The following NDUFA5 variants were observed in gnomAD, a reference collection of about 807,000 sequenced individuals.
The protein encoded by NDUFA5 is NADH dehydrogenase [ubiquinone] 1 alpha subcomplex subunit 5.
A neutral mutation model predicts 19.8 loss-of-function variants in NDUFA5; 11 were observed. That is an observed-to-expected ratio of 0.56 (90% CI 0.35 to 0.92). The LOEUF (loss-of-function observed/expected upper bound fraction) is 0.92, where lower values mean the gene tolerates loss of function less well. NDUFA5 is among the 40% of genes least tolerant of loss of function. The probability of loss-of-function intolerance (pLI) is 0.01; values close to 1 mark genes in which losing one functional copy is unlikely to be tolerated. For synonymous variants in NDUFA5, 47 were observed against 46.8 expected (o/e 1.00, Z -0.01); for missense variants, 109 against 134.2 (o/e 0.81, Z 0.93).
At chr7:123,554,571 C>A (rs1007401578) in intron 2 of NDUFA5, 1 of 152,068 alleles carries the variant, frequency 6.6e-6, no homozygotes, top group African/African-American at 2.4e-5. Flanking sequence ...TTCTTCATCA[C>A]AAGAGGGTGG....
chr7:123,547,940 A>C (rs1798196111), intron 3 of NDUFA5, among the ~76,000 whole-genome samples: 1 of 152,124 alleles, frequency 6.6e-6, no homozygotes, highest in African/African-American at 2.4e-5. Flanking sequence ...CGAGGTGGGT[A>C]TTATTATACC....
At chr7:123,568,502 C>A in the NDUFA5 span, among the ~76,000 whole-genome samples, 1 of 142,284 alleles carries the variant, frequency 7.0e-6, no homozygotes. Context: ...GCCTGAACAA[C>A]AAGAGCGAAA....
chr7:123,557,405 T>C lies in NDUFA5; in HGVS notation c.65A>G (p.Glu22Gly), dbSNP rs1322601977. Reference sequence around the variant, plus strand: ...CGAAGAAAGAACAAAGGTACATACCTCGTGAGGAGTATTGCACACAGCCAA... The same window carrying C: ...CGAAGAAAGAACAAAGGTACATACCCCGTGAGGAGTATTGCACACAGCCAA... Reference protein sequence around the residue: ...VGLAVCNTPHERLRILYTKIL... With the variant: ...VGLAVCNTPHGRLRILYTKIL... The change falls in exon 2 of 5, where the codon GAG (glutamate) becomes GGG (glycine). Residue 22 changes from glutamate to glycine, a missense_variant and splice_region_variant. Physicochemically the swap from Glu to Gly is moderately conservative, Grantham distance 98 (BLOSUM62 -2). Coordinates refer to ENST00000355749, the MANE Select transcript of NDUFA5 (RefSeq NM_005000.5). 6.2e-7 allele frequency: 1 copy of C among 1,613,558 alleles called. No homozygotes were observed. Among genetic ancestry groups the C allele is most frequent in the Non-Finnish European group, 8.5e-7 (1 of 1,179,792 alleles).
At chr7:123,589,138 A>T in the NDUFA5 span, among the ~76,000 whole-genome samples, 17 of 151,932 alleles carry the variant, frequency 1.1e-4, no homozygotes, top group Non-Finnish European at 1.0e-4. Context: ...TTGAAAGTAG[A>T]GTATTGAAGT....
the NDUFA5 span, among the ~76,000 whole-genome samples, chr7:123,586,687 C>T: frequency 2.0e-5 from 3 of 151,584 alleles, no homozygotes; most frequent in East Asian, 5.8e-4. Context: ...AGTAGTTTTA[C>T]AGTTTCAAGT....
At chr7:123,554,409 G>A (rs1307529613) in intron 2 of NDUFA5, among the ~76,000 whole-genome samples, 2 of 151,994 alleles carry the variant, frequency 1.3e-5, no homozygotes, top group African/African-American at 4.8e-5. Context: ...TTACCCATCC[G>A]TGGTTTCATT....
the NDUFA5 span, among the ~76,000 whole-genome samples, chr7:123,581,032 C>T: frequency 5.4e-4 from 82 of 152,050 alleles, 1 homozygote; most frequent in Middle Eastern, 0.014. Flanking sequence ...CTAGATGGTG[C>T]TGGCTTTCTT....
chr7:123,560,213 C>T (rs2116228818), upstream of NDUFA5, among the ~76,000 whole-genome samples: 1 of 152,196 alleles, frequency 6.6e-6, no homozygotes, highest in Non-Finnish European at 1.5e-5. Context: ...TAGAAAAACC[C>T]CACAACATCA....
the NDUFA5 span, among the ~76,000 whole-genome samples, chr7:123,601,512 A>G: frequency 5.3e-5 from 8 of 152,210 alleles, no homozygotes; most frequent in Admixed American, 4.6e-4. Flanking sequence ...GGCTCTGACA[A>G]CACAAAGACT....
chr7:123,539,041 G>A lies in NDUFA5; in HGVS notation c.*3078C>T, dbSNP rs547977694. Reference sequence around the variant, plus strand: ...AATTCTGAGGGAAAAGGAGGGGGAGGGGAGAATGAGGGAGAGTGAAAGGAT... The same window carrying A: ...AATTCTGAGGGAAAAGGAGGGGGAGAGGAGAATGAGGGAGAGTGAAAGGAT... On this transcript the variant is annotated 3_prime_UTR_variant, in exon 5 of 5. Transcript: ENST00000355749. 64 of 152,284 alleles carry A rather than the reference G, an allele frequency of 4.2e-4. No individual in the cohort carries two copies. The highest frequency in any genetic ancestry group is 1.4e-3 in the African/African-American group (59 of 41,556). The allele number at this position is 152,284 out of a possible 1,614,324, so 9.4% of individuals were successfully genotyped here. A position where few individuals can be genotyped will look rare whatever the true frequency, so the allele number is the denominator to read the frequency against.
chr7:123,577,078 AAT>A, the NDUFA5 span, among the ~76,000 whole-genome samples: 1 of 152,100 alleles, frequency 6.6e-6, no homozygotes, highest in Non-Finnish European at 1.5e-5. Context: ...TAGTTATAAA[AAT>A]ATCTTTTACA....
At chr7:123,580,776 A>C in the NDUFA5 span, among the ~76,000 whole-genome samples, 97 of 152,118 alleles carry the variant, frequency 6.4e-4, no homozygotes, top group African/African-American at 2.1e-3. Context: ...GGAAGCCCTG[A>C]GATAAGGGCT....
the NDUFA5 span, chr7:123,598,826 A>C: frequency 1.3e-5 from 2 of 152,186 alleles, no homozygotes; most frequent in Admixed American, 1.3e-4. Context: ...TGGCAACTAA[A>C]TGACCAGAGT....
rs1797811162 is a variant in NDUFA5, at chr7:123,538,217, T to G, written c.*3902A>C. 6.6e-6 allele frequency: 1 copy of G among 152,228 alleles called. No homozygotes were observed. Among genetic ancestry groups the G allele is most frequent in the Non-Finnish European group, 1.5e-5 (1 of 68,034 alleles). 9.4% of individuals were successfully genotyped at this position (152,228 alleles called of 1,614,324 possible). A position where few individuals can be genotyped will look rare whatever the true frequency, so the allele number is the denominator to read the frequency against. On this transcript the variant is annotated 3_prime_UTR_variant, in exon 5 of 5. Coordinates refer to ENST00000355749, the MANE Select transcript of NDUFA5 (RefSeq NM_005000.5). ...GGATTCCTTGTGGGTCTATGAGCAC[T>G]CCTTGCCAACCCTCCTTAGACATGC...
At chr7:123,547,591 A>C (rs1341322201) in intron 3 of NDUFA5, among the ~76,000 whole-genome samples, 3 of 152,200 alleles carry the variant, frequency 2.0e-5, no homozygotes, top group African/African-American at 7.2e-5. Context: ...AAAAGTAATA[A>C]GCATGTTTAA....
chr7:123,580,107 C>A, the NDUFA5 span, among the ~76,000 whole-genome samples: 1 of 151,806 alleles, frequency 6.6e-6, no homozygotes, highest in African/African-American at 2.4e-5. Context: ...GAAGGATGGT[C>A]TAAATTGGGT....
chr7:123,551,888 A>G (rs1798353989), intron 2 of NDUFA5, among the ~76,000 whole-genome samples: 1 of 152,188 alleles, frequency 6.6e-6, no homozygotes, highest in South Asian at 2.1e-4. Context: ...TCAGGTTTTA[A>G]ATTTTCATCT....
chr7:123,592,995 T>C, the NDUFA5 span, among the ~76,000 whole-genome samples: 4 of 152,256 alleles, frequency 2.6e-5, no homozygotes, highest in Non-Finnish European at 5.9e-5. Context: ...TAGTTCTTCC[T>C]GTTGAATTGA....
chr7:123,557,829 T>C, upstream of NDUFA5: 1 of 1,613,836 alleles, frequency 6.2e-7, no homozygotes. Context: ...GCACAACCCT[T>C]TGGGAACAAT....
Sources: gnomAD v4.1 joint callset for allele counts (sites outside exome capture counted in the v4.1 genomes callset) on GRCh38, gnomAD v4.1.1 for gene constraint, MANE v1.5 for transcripts, NCBI Gene and HGNC (gene_info 2026-07-23, HGNC 2026-07-21) for gene names.